Variants in PTPRR observed in about 807,000 individuals in gnomAD.
PTPRR encodes protein tyrosine phosphatase receptor type R, also known as receptor-type tyrosine-protein phosphatase R.
PTPRR carries 38 observed loss-of-function variants against 77.2 expected under a neutral mutation model. The observed-to-expected ratio is 0.49, with a 90% CI of 0.38 to 0.65. The LOEUF (loss-of-function observed/expected upper bound fraction) is 0.65. PTPRR is among the 30% of genes least tolerant of loss of function. PTPRR has a pLI of 0.00. For synonymous variants in PTPRR, 299 were observed against 283.1 expected (o/e 1.06, Z -0.57); for missense variants, 744 against 799.2 (o/e 0.93, Z 0.83).
intron 2 of PTPRR, among the ~76,000 whole-genome samples, chr12:70,804,862 T>C (rs79657384): frequency 0.02 from 3,041 of 152,286 alleles, 52 homozygotes; most frequent in East Asian, 0.06. Flanking sequence ...AAGATGATCA[T>C]TGCTACAAAA....
intron 1 of PTPRR, among the ~76,000 whole-genome samples, chr12:70,900,408 A>G (rs10083109): frequency 0.29 from 43,720 of 150,712 alleles, 7,187 homozygotes; most frequent in East Asian, 0.48. Flanking sequence ...AAAATCCAAA[A>G]CAATAAAACT....
intron 6 of PTPRR, among the ~76,000 whole-genome samples, chr12:70,732,669 T>C (rs759399264): frequency 6.6e-6 from 1 of 152,198 alleles, no homozygotes; most frequent in Non-Finnish European, 1.5e-5. Context: ...CAAGCAATTA[T>C]ACTGCCTCAG....
chr12:70,894,048 A>G (rs1218372321), intron 1 of PTPRR, among the ~76,000 whole-genome samples: 3 of 151,860 alleles, frequency 2.0e-5, no homozygotes, highest in African/African-American at 7.2e-5. Context: ...TAGGTCAAAT[A>G]CCAGTTAGAA....
chr12:70,783,093 T>C (rs1397620113), intron 2 of PTPRR, among the ~76,000 whole-genome samples: 1 of 152,186 alleles, frequency 6.6e-6, no homozygotes, highest in East Asian at 1.9e-4. Context: ...GAAACCTCTG[T>C]GGCTGGTGGC....
intron 6 of PTPRR, among the ~76,000 whole-genome samples, chr12:70,705,280 A>G (rs1032591071): frequency 6.6e-6 from 1 of 152,170 alleles, no homozygotes; most frequent in Non-Finnish European, 1.5e-5. Flanking sequence ...GTAACATTAC[A>G]ACTGAGTGTT....
chr12:70,643,917 C>T (rs1886102589), intron 13 of PTPRR, among the ~76,000 whole-genome samples: 1 of 151,936 alleles, frequency 6.6e-6, no homozygotes, highest in South Asian at 2.1e-4. Context: ...AATATGCATG[C>T]ACCTTAAATT....
intron 2 of PTPRR, among the ~76,000 whole-genome samples, chr12:70,831,612 A>T (rs1892214280): frequency 6.6e-6 from 1 of 152,212 alleles, no homozygotes; most frequent in Non-Finnish European, 1.5e-5. Context: ...AAAATAGAGC[A>T]GCCCACACAA....
chr12:70,738,383 C>G (rs995922377), intron 6 of PTPRR, among the ~76,000 whole-genome samples: 1 of 152,152 alleles, frequency 6.6e-6, no homozygotes, highest in African/African-American at 2.4e-5. Context: ...GTCCTGATGG[C>G]CCACCAACTG....
chr12:70,883,068 C>A (rs564152154), intron 2 of PTPRR, among the ~76,000 whole-genome samples: 2 of 152,122 alleles, frequency 1.3e-5, no homozygotes, highest in Non-Finnish European at 2.9e-5. Context: ...TAAGACCAGC[C>A]TGGCCAACAT....
chr12:70,882,986 A>G (rs1893174677), intron 2 of PTPRR, among the ~76,000 whole-genome samples: 1 of 152,188 alleles, frequency 6.6e-6, no homozygotes, highest in Admixed American at 6.5e-5. Context: ...TTAAAAGATA[A>G]TGAAGGCTGG....
chr12:70,755,872 A>G (rs930082421), intron 4 of PTPRR, among the ~76,000 whole-genome samples: 2 of 152,098 alleles, frequency 1.3e-5, no homozygotes, highest in African/African-American at 4.8e-5. Flanking sequence ...TTAAATTCCA[A>G]TGTCTCTATA....
chr12:70,720,532 G>A (rs965095432), intron 6 of PTPRR, among the ~76,000 whole-genome samples: 2 of 134,978 alleles, frequency 1.5e-5, no homozygotes, highest in African/African-American at 5.5e-5. Flanking sequence ...TTTTTTTTGA[G>A]ACAGGGTCTT....
At chr12:70,671,977 C>T in intron 10 of PTPRR, 1 of 1,281,202 alleles carries the variant, frequency 7.8e-7, no homozygotes, top group Middle Eastern at 2.1e-4. Flanking sequence ...AGAAGTGGCC[C>T]TTTCAACCCT....
chr12:70,866,308 G>C (rs1260924061), intron 2 of PTPRR, among the ~76,000 whole-genome samples: 14 of 152,080 alleles, frequency 9.2e-5, no homozygotes, highest in African/African-American at 2.9e-4. Flanking sequence ...AAAGAAAAGA[G>C]AGAAGAATCA....
chr12:70,837,988 C>T (rs1892333642), intron 2 of PTPRR, among the ~76,000 whole-genome samples: 1 of 152,046 alleles, frequency 6.6e-6, no homozygotes, highest in African/African-American at 2.4e-5. Flanking sequence ...GGACAAAGAC[C>T]ACATACATAT....
At chr12:70,907,293 T>C (rs1893636575) in intron 1 of PTPRR, among the ~76,000 whole-genome samples, 1 of 152,206 alleles carries the variant, frequency 6.6e-6, no homozygotes, top group African/African-American at 2.4e-5. Context: ...CCCATTAGAG[T>C]AAGGGATGAT....
intron 7 of PTPRR, among the ~76,000 whole-genome samples, chr12:70,699,019 C>T (rs954843335): frequency 2.6e-5 from 4 of 151,932 alleles, no homozygotes; most frequent in Non-Finnish European, 5.9e-5. Context: ...GGACAGGGAA[C>T]AATAGGAAAA....
intron 2 of PTPRR, among the ~76,000 whole-genome samples, chr12:70,836,591 T>C (rs1309244977): frequency 6.6e-6 from 1 of 151,984 alleles, no homozygotes; most frequent in African/African-American, 2.4e-5. Context: ...TCCATTAGGA[T>C]CACTATGTTC....
intron 1 of PTPRR, among the ~76,000 whole-genome samples, chr12:70,907,628 A>T (rs1388189013): frequency 6.6e-6 from 1 of 152,236 alleles, no homozygotes; most frequent in East Asian, 1.9e-4. Flanking sequence ...ACAGAGTGGA[A>T]CATAATACAA....
Sources: gnomAD v4.1 joint callset for allele counts (sites outside exome capture counted in the v4.1 genomes callset) on GRCh38, gnomAD v4.1.1 for gene constraint, MANE v1.5 for transcripts, NCBI Gene and HGNC (gene_info 2026-07-23, HGNC 2026-07-21) for gene names.